BDP1: variants seen among roughly 807,000 people sequenced by gnomAD.
BDP1 encodes the protein transcription factor TFIIIB component B'' homolog.
BDP1 carries 169 observed loss-of-function variants against 266.6 expected under a neutral mutation model. The ratio of observed to expected loss-of-function variants is 0.63; its 90% CI spans 0.56 to 0.72. The LOEUF (loss-of-function observed/expected upper bound fraction) is 0.72. Among genes scored for constraint, BDP1 ranks in the 30% least tolerant of loss-of-function variants. The pLI, the probability that BDP1 is intolerant of heterozygous loss-of-function variation, is 0.00. For missense variants in BDP1, 3,015 were observed against 3,053.8 expected, an observed-to-expected ratio of 0.99 and a Z score of 0.30; for synonymous variants, 1,090 against 1,022.4, an observed-to-expected ratio of 1.07 and a Z score of -1.26.
chr5:71,513,434 G>T (rs1403003093), intron 19 of BDP1, 27 bp downstream of exon 19: 17 of 1,319,390 alleles, frequency 1.3e-5, no homozygotes, highest in Middle Eastern at 5.5e-4. Flanking sequence ...TGGAAGTTCT[G>T]TGTGGGTGTT....
intron 7 of BDP1, among the ~76,000 whole-genome samples, chr5:71,477,670 G>C (rs1762676711): frequency 6.9e-6 from 1 of 144,626 alleles, no homozygotes; most frequent in Admixed American, 7.1e-5. Context: ...GCCCAGGCTG[G>C]AGTGCAGTAG....
At chr5:71,460,303 C>T (rs1468341477) in intron 2 of BDP1, among the ~76,000 whole-genome samples, 1 of 152,222 alleles carries the variant, frequency 6.6e-6, no homozygotes, top group Admixed American at 6.5e-5. Context: ...TCGCTTGAAC[C>T]TGGGAGGCAG....
In BDP1 at chr5:71,457,059, T is replaced by G. The variant is rs115250997; in HGVS notation, c.212+970T>G. 9.9e-3 allele frequency among the ~76,000 whole-genome samples: 1,508 copies of G among 152,280 alleles called. 29 individuals are homozygous for G. The highest frequency in any genetic ancestry group is 0.034 in the African/African-American group (1,419 of 41,554). ...TCCAAGTTTATTACATGAATCTGTTTCAAAATTTCTACACAGAAAGGAGAT... is the reference window on the plus strand; with the variant it reads ...TCCAAGTTTATTACATGAATCTGTTGCAAAATTTCTACACAGAAAGGAGAT... On this transcript the variant is annotated intron_variant, in intron 1 of 38. Coordinates refer to ENST00000358731, the MANE Select transcript of BDP1 (RefSeq NM_018429.3).
At chr5:71,548,201 A>G (rs924763783) in intron 32 of BDP1, among the ~76,000 whole-genome samples, 3 of 152,078 alleles carry the variant, frequency 2.0e-5, no homozygotes, top group South Asian at 2.1e-4. Flanking sequence ...AGGTGGGAGG[A>G]TCGCTTGAGC....
At chr5:71,502,189 CTTT>C (rs70992970) in intron 14 of BDP1, among the ~76,000 whole-genome samples, 2 of 135,492 alleles carry the variant, frequency 1.5e-5, no homozygotes, top group Non-Finnish European at 1.6e-5. Flanking sequence ...TTTTCTCTCT[CTTT>C]TTTTTTTTTT....
rs557815938 is a variant in BDP1 at position 71,520,936 on chromosome 5, C to A, written c.4992-1353C>A. 9.5e-4 allele frequency among the ~76,000 whole-genome samples: 145 copies of A among 152,170 alleles called. 2 individuals carry two copies. The highest frequency in any genetic ancestry group is 2.9e-3 in the African/African-American group (120 of 41,530). On this transcript the variant is annotated intron_variant, in intron 22 of 38. Transcript: ENST00000358731. ...GGGCATGGTGGCTCACACCTGTAAT[C>A]CCAGCGCTCTGGGAAACCAAGGCGG...
intron 11 of BDP1, chr5:71,494,599 C>T (rs1763772962): frequency 1.3e-5 from 2 of 152,262 alleles, no homozygotes; most frequent in South Asian, 4.1e-4. Context: ...TTTGGTTACA[C>T]AGTACCCTGC....
At chr5:71,533,583 A>G (rs2150541077) in intron 26 of BDP1, among the ~76,000 whole-genome samples, 1 of 151,340 alleles carries the variant, frequency 6.6e-6, no homozygotes, top group African/African-American at 2.4e-5. Flanking sequence ...CTCTCCACTC[A>G]GCATCCCAAG....
chr5:71,545,282 G>T, intron 32 of BDP1, 63 bp downstream of exon 32: 1 of 1,340,412 alleles, frequency 7.5e-7, no homozygotes, highest in South Asian at 1.3e-5. Flanking sequence ...AAAAAAAAAA[G>T]GTATAATTTA....
At chr5:71,556,179 A>G (rs1475605861) in intron 35 of BDP1, among the ~76,000 whole-genome samples, 1 of 152,162 alleles carries the variant, frequency 6.6e-6, no homozygotes, top group Non-Finnish European at 1.5e-5. Context: ...CATTGTATGC[A>G]GTAATTTTTC....
chr5:71,462,731 CT>C (rs1761656313), intron 3 of BDP1, among the ~76,000 whole-genome samples: 2 of 151,964 alleles, frequency 1.3e-5, no homozygotes, highest in African/African-American at 2.4e-5. Context: ...TCTGGGTGCA[CT>C]CAGGGTGACA....
At chr5:71,547,309 C>G (rs1742403112) in intron 32 of BDP1, among the ~76,000 whole-genome samples, 2 of 152,106 alleles carry the variant, frequency 1.3e-5, no homozygotes, top group South Asian at 4.2e-4. Context: ...CCAGTCTAGG[C>G]TGGCCTACAG....
chr5:71,469,013 T>C, intron 6 of BDP1, among the ~76,000 whole-genome samples: 1 of 152,242 alleles, frequency 6.6e-6, no homozygotes, highest in Non-Finnish European at 1.5e-5. Flanking sequence ...ATGTTGGTGC[T>C]TATTGTTTTT....
At chr5:71,525,265 T>C (rs1324690433) in intron 25 of BDP1, among the ~76,000 whole-genome samples, 1 of 147,116 alleles carries the variant, frequency 6.8e-6, no homozygotes, top group Non-Finnish European at 1.5e-5. Flanking sequence ...GGCGGGGGGC[T>C]GACCCCCCCC....
chr5:71,511,224 T>C (rs775398925), intron 17 of BDP1, 73 bp downstream of exon 17: 5 of 1,438,746 alleles, frequency 3.5e-6, no homozygotes, highest in Non-Finnish European at 4.7e-6. Context: ...CCATGATTAT[T>C]TTGTCCTTAA....
In BDP1 at chr5:71,549,545, C is replaced by G. The variant is rs1280327139; in HGVS notation, c.6934C>G (p.Pro2312Ala). The G allele has an allele frequency of 6.2e-7, 1 of 1,613,566 alleles. No individual in the cohort carries two copies. The part of the protein sequence containing the change: ...TDATAQFMPN[P>A]LLPAPILVKS... ...TGCCACTGCACAGTTCATGCCAAAC[C>G]CTTTACTGCCAGCTCCCATATTGGT... The change falls in exon 34 of 39, where the codon CCT (proline) becomes GCT (alanine). Residue 2312 changes from proline to alanine, a missense_variant. Coordinates refer to ENST00000358731, the MANE Select transcript of BDP1 (RefSeq NM_018429.3).
chr5:71,516,476 C>T (rs13355378), intron 21 of BDP1, among the ~76,000 whole-genome samples: 5,104 of 151,974 alleles, frequency 0.034, 119 homozygotes, highest in Middle Eastern at 0.075. Context: ...TGAAGCTATT[C>T]ATCGTAAAAT....
chr5:71,512,205 T>C, intron 17 of BDP1, 36 bp from the exon 18 acceptor site: 1 of 1,145,074 alleles, frequency 8.7e-7, no homozygotes, highest in Non-Finnish European at 1.2e-6. Context: ...TAAATACTCT[T>C]TTATTTGTGC....
At chr5:71,538,422 C>G (rs899320594) in intron 26 of BDP1, among the ~76,000 whole-genome samples, 3 of 152,106 alleles carry the variant, frequency 2.0e-5, no homozygotes, top group Admixed American at 6.5e-5. Flanking sequence ...AGAGAAAGAG[C>G]AGTGTTAGTT....
Sources: allele counts gnomAD v4.1 joint callset (sites outside exome capture counted in the v4.1 genomes callset), GRCh38; gene constraint gnomAD v4.1.1; transcripts MANE v1.5; gene names NCBI Gene and HGNC (gene_info 2026-07-23, HGNC 2026-07-21).